The following GAS2 variants were observed in gnomAD, a reference collection of about 807,000 sequenced individuals.
GAS2 encodes growth arrest specific 2, also known as growth arrest-specific protein 2.
A neutral mutation model predicts 37.5 loss-of-function variants in GAS2; 20 were observed. The observed-to-expected ratio is 0.53, with a 90% CI of 0.37 to 0.77. The LOEUF is 0.77. Among genes scored for constraint, GAS2 ranks in the 30% least tolerant of loss-of-function variants. The pLI is 0.00. For missense variants in GAS2, 336 were observed against 373.4 expected, an observed-to-expected ratio of 0.90 and a Z score of 0.82; for synonymous variants, 144 against 132.2, an observed-to-expected ratio of 1.09 and a Z score of -0.61.
chr11:22,761,916 G>C (rs1410156386), intron 7 of GAS2, among the ~76,000 whole-genome samples: 1 of 152,010 alleles, frequency 6.6e-6, no homozygotes, highest in Admixed American at 6.6e-5. Context: ...GGAATTTCTT[G>C]GATGATTCAA....
intron 7 of GAS2, among the ~76,000 whole-genome samples, chr11:22,797,527 ATGT>A (rs528521374): frequency 0.21 from 31,696 of 151,870 alleles, 4,100 homozygotes; most frequent in African/African-American, 0.36. Flanking sequence ...TTACATCTTT[ATGT>A]ATGTATGATT....
intron 3 of GAS2, among the ~76,000 whole-genome samples, chr11:22,711,667 C>T (rs1235857020): frequency 6.6e-6 from 1 of 152,188 alleles, no homozygotes; most frequent in Non-Finnish European, 1.5e-5. Flanking sequence ...GTTCTGGAAG[C>T]ATGGTGGGAG....
At chr11:22,633,146 A>G (rs1397647053) in intron 1 of GAS2, among the ~76,000 whole-genome samples, 1 of 152,254 alleles carries the variant, frequency 6.6e-6, no homozygotes, top group Non-Finnish European at 1.5e-5. Context: ...ACATATTGCT[A>G]GAGTTGTTTT....
intron 7 of GAS2, among the ~76,000 whole-genome samples, chr11:22,800,229 G>A (rs1856603343): frequency 6.6e-6 from 1 of 151,962 alleles, no homozygotes; most frequent in Admixed American, 6.6e-5. Flanking sequence ...GAGGGATGAG[G>A]GTAGAAGTAA....
chr11:22,735,114 G>A (rs773288813), intron 4 of GAS2, among the ~76,000 whole-genome samples: 6 of 150,886 alleles, frequency 4.0e-5, no homozygotes, highest in African/African-American at 1.5e-4. Context: ...CATCTTCCTT[G>A]TCTTACAAGG....
At chr11:22,807,429 C>G (rs1475950113) in intron 7 of GAS2, among the ~76,000 whole-genome samples, 1 of 152,162 alleles carries the variant, frequency 6.6e-6, no homozygotes, top group Non-Finnish European at 1.5e-5. Context: ...AAAAGGAAAA[C>G]AATTCTCTAA....
intron 7 of GAS2, among the ~76,000 whole-genome samples, chr11:22,787,792 A>T (rs528255884): frequency 6.6e-6 from 1 of 152,206 alleles, no homozygotes; most frequent in South Asian, 2.1e-4. Context: ...AATAACTACT[A>T]TTTTGCTAGG....
intron 3 of GAS2, among the ~76,000 whole-genome samples, chr11:22,687,001 T>C (rs1188962582): frequency 6.6e-6 from 1 of 152,066 alleles, no homozygotes; most frequent in Non-Finnish European, 1.5e-5. Flanking sequence ...TTGCTGCACA[T>C]TGGAATTACC....
At chr11:22,799,090 T>C (rs1457831239) in intron 7 of GAS2, among the ~76,000 whole-genome samples, 1 of 152,060 alleles carries the variant, frequency 6.6e-6, no homozygotes, top group Non-Finnish European at 1.5e-5. Flanking sequence ...GCATATGATA[T>C]CCCAGGGGGC....
chr11:22,663,339 G>A (rs757516054), upstream of GAS2, among the ~76,000 whole-genome samples: 1 of 151,802 alleles, frequency 6.6e-6, no homozygotes, highest in East Asian at 1.9e-4. Context: ...TGAGATGGGA[G>A]GATAGCTAGA....
intron 3 of GAS2, among the ~76,000 whole-genome samples, chr11:22,721,361 G>A (rs577499553): frequency 3.3e-5 from 5 of 152,064 alleles, no homozygotes; most frequent in South Asian, 4.2e-4. Context: ...TTATGAATGC[G>A]CTTCATGACA....
chr11:22,727,902 T>G (rs1852291534), intron 4 of GAS2, among the ~76,000 whole-genome samples: 1 of 151,952 alleles, frequency 6.6e-6, no homozygotes, highest in Non-Finnish European at 1.5e-5. Context: ...AACAATTAAA[T>G]AAAATTGCTT....
upstream of GAS2, among the ~76,000 whole-genome samples, chr11:22,663,353 T>C (rs1317298314): frequency 6.6e-6 from 1 of 151,352 alleles, no homozygotes; most frequent in Non-Finnish European, 1.5e-5. Flanking sequence ...AGCTAGAGCC[T>C]GAAGGTCAAG....
At chr11:22,780,069 A>T (rs990886756) in intron 7 of GAS2, among the ~76,000 whole-genome samples, 1 of 152,254 alleles carries the variant, frequency 6.6e-6, no homozygotes, top group African/African-American at 2.4e-5. Context: ...ATTGCGTAGT[A>T]TATACGAGTT....
chr11:22,759,988 T>C (rs1854283839), intron 7 of GAS2, among the ~76,000 whole-genome samples: 1 of 152,188 alleles, frequency 6.6e-6, no homozygotes, highest in African/African-American at 2.4e-5. Context: ...TTGATGGCTA[T>C]GTTCTACCTA....
intron 7 of GAS2, among the ~76,000 whole-genome samples, chr11:22,808,887 GA>G (rs1857011815): frequency 6.6e-6 from 1 of 152,188 alleles, no homozygotes; most frequent in Non-Finnish European, 1.5e-5. Context: ...AAACTTGTGG[GA>G]ATATGAATAT....
rs531192360 is a variant in GAS2 at position 22,800,094 on chromosome 11, A to G, written c.724-11704A>G. On this transcript the variant is annotated intron_variant, in intron 7 of 7. Coordinates refer to ENST00000454584, the MANE Select transcript of GAS2 (RefSeq NM_001143830.3). The stretch of plus-strand genomic sequence containing the variant: ...GGTAGGACTACATGCAGTATAGTAC[A>G]GTTGTGCAGTGCACATCCTGAACAG... Among the ~76,000 whole-genome samples, 484 of 152,242 alleles carry G rather than the reference A, an allele frequency of 3.2e-3. 1 individual carries two copies. Among genetic ancestry groups the G allele is most frequent in the African/African-American group, 0.011 (454 of 41,562 alleles).
At chr11:22,778,940 G>A (rs1250341610) in intron 7 of GAS2, among the ~76,000 whole-genome samples, 1 of 152,034 alleles carries the variant, frequency 6.6e-6, no homozygotes, top group African/African-American at 2.4e-5. Flanking sequence ...TGGAAACAGA[G>A]GGGAACAAGA....
intron 1 of GAS2, among the ~76,000 whole-genome samples, chr11:22,647,166 T>A (rs998178720): frequency 6.7e-5 from 10 of 148,354 alleles, no homozygotes; most frequent in Non-Finnish European, 1.3e-4. Context: ...AGTGAGAATA[T>A]GCAGTGTTTG....
Sources: gnomAD v4.1 joint callset for allele counts (sites outside exome capture counted in the v4.1 genomes callset) on GRCh38, gnomAD v4.1.1 for gene constraint, MANE v1.5 for transcripts, NCBI Gene and HGNC (gene_info 2026-07-23, HGNC 2026-07-21) for gene names.